The following SMAD3 variants were observed in gnomAD, a reference collection of about 807,000 sequenced individuals.
SMAD3 encodes SMAD family member 3.
In SMAD3, 12 loss-of-function variants were observed where a neutral mutation model predicts 51.8. The ratio of observed to expected loss-of-function variants is 0.23; its 90% CI spans 0.15 to 0.38. The LOEUF (loss-of-function observed/expected upper bound fraction) is 0.38. Ranked by LOEUF, SMAD3 falls within the 10% of genes least tolerant of loss-of-function variation. The pLI, the probability that SMAD3 is intolerant of heterozygous loss-of-function variation, is 1.00. For synonymous variants in SMAD3, 238 were observed against 227.7 expected (o/e 1.05, Z -0.41); for missense variants, 294 against 565.6 (o/e 0.52, Z 4.87).
At chr15:67,085,097 C>T (rs1595890719) in intron 1 of SMAD3, among the ~76,000 whole-genome samples, 1 of 152,286 alleles carries the variant, frequency 6.6e-6, no homozygotes, top group East Asian at 1.9e-4. Flanking sequence ...GCTATATTTG[C>T]CCTCAGTTGT....
chr15:67,160,248 C>T (rs1962390038), intron 1 of SMAD3, among the ~76,000 whole-genome samples: 2 of 152,230 alleles, frequency 1.3e-5, no homozygotes, highest in African/African-American at 4.8e-5. Flanking sequence ...TACCATTTTA[C>T]ATTTGCACCA....
chr15:67,074,954 C>T (rs927239750), intron 1 of SMAD3, among the ~76,000 whole-genome samples: 1 of 152,068 alleles, frequency 6.6e-6, no homozygotes, highest in African/African-American at 2.4e-5. Context: ...AATCTGGTCC[C>T]TTTTGCTGCT....
chr15:67,153,230 G>A (rs191693769), intron 1 of SMAD3, among the ~76,000 whole-genome samples: 10 of 152,296 alleles, frequency 6.6e-5, no homozygotes, highest in Middle Eastern at 3.4e-3. Flanking sequence ...AGTGGCTCAC[G>A]CCTGTAATCC....
At chr15:67,184,701 G>T in intron 6 of SMAD3, 26 bp from the exon 7 acceptor site, 1 of 1,613,710 alleles carries the variant, frequency 6.2e-7, no homozygotes, top group South Asian at 1.1e-5. Context: ...AAGGCACCCT[G>T]TCCAGTCTAA....
intron 5 of SMAD3, among the ~76,000 whole-genome samples, chr15:67,180,424 C>G (rs1426462799): frequency 6.6e-6 from 1 of 151,790 alleles, no homozygotes; most frequent in East Asian, 1.9e-4. Flanking sequence ...AGAGAACCAG[C>G]CCCTTGTAGA....
At chr15:67,141,575 G>A (rs1445185171) in intron 1 of SMAD3, among the ~76,000 whole-genome samples, 5 of 152,146 alleles carry the variant, frequency 3.3e-5, no homozygotes, top group African/African-American at 9.7e-5. Flanking sequence ...GTCCAGCCAG[G>A]GACCCTTGTC....
rs984002362 is a variant in SMAD3 at position 67,192,864 on chromosome 15, G to A, written c.*2328G>A. 6.0e-5 allele frequency: 14 copies of A among 233,298 alleles called. No homozygotes were observed. Among genetic ancestry groups the A allele is most frequent in the Non-Finnish European group, 9.3e-5 (11 of 118,030 alleles). 14.5% of individuals were successfully genotyped at this position (233,298 alleles called of 1,614,324 possible). A position where few individuals can be genotyped will look rare whatever the true frequency, so the allele number is the denominator to read the frequency against. The stretch of plus-strand genomic sequence containing the variant: ...GGTGTCTTAGAACCCTCATTGCTCA[G>A]ACCTGAAGGCTACTTCTAGGAGCAT... On this transcript the variant is annotated 3_prime_UTR_variant, in exon 9 of 9. Transcript: ENST00000327367.
chr15:67,164,373 T>C lies in SMAD3; in HGVS notation c.207-522T>C, dbSNP rs1403343101. 4.6e-5 allele frequency among the ~76,000 whole-genome samples: 7 copies of C among 151,980 alleles called. No homozygotes were observed. In the East Asian group the frequency reaches 1.4e-3, roughly 29 times the overall value. On this transcript the variant is annotated intron_variant, in intron 1 of 8. Coordinates refer to ENST00000327367, the MANE Select transcript of SMAD3 (RefSeq NM_005902.4). ...GGAGGAAAGGCAAGTTTTCTTTTTT[T>C]CCCCTGACTTTCTAATGTGCAAGGG...
intron 4 of SMAD3, among the ~76,000 whole-genome samples, chr15:67,168,113 C>T (rs1409583419): frequency 6.6e-6 from 1 of 152,232 alleles, no homozygotes; most frequent in Non-Finnish European, 1.5e-5. Flanking sequence ...CAGCACCACG[C>T]CCGGCTCATT....
chr15:67,095,474 G>A (rs1566966339), intron 1 of SMAD3, among the ~76,000 whole-genome samples: 1 of 152,112 alleles, frequency 6.6e-6, no homozygotes, highest in Non-Finnish European at 1.5e-5. Flanking sequence ...GGCACGTGAC[G>A]AGTACAGTCA....
At chr15:67,165,172 C>T (rs112482032) in intron 2 of SMAD3, 81 bp from the exon 3 acceptor site, 148 of 1,610,152 alleles carry the variant, frequency 9.2e-5, no homozygotes, top group Non-Finnish European at 1.0e-4. Flanking sequence ...CGAGGGTCTG[C>T]GGTGCACTTG....
At chr15:67,166,669 C>T in intron 3 of SMAD3, 110 bp from the exon 4 acceptor site, 1 of 769,600 alleles carries the variant, frequency 1.3e-6, no homozygotes. Flanking sequence ...GGAGCTCCTA[C>T]AGCCACGGAT....
intron 1 of SMAD3, among the ~76,000 whole-genome samples, chr15:67,121,681 T>C (rs1438218643): frequency 6.6e-6 from 1 of 152,198 alleles, no homozygotes; most frequent in African/African-American, 2.4e-5. Context: ...GAATGGTTTC[T>C]ACAGTATGCC....
intron 5 of SMAD3, among the ~76,000 whole-genome samples, chr15:67,176,117 T>G (rs1354173880): frequency 6.6e-6 from 1 of 152,164 alleles, no homozygotes; most frequent in Non-Finnish European, 1.5e-5. Flanking sequence ...ATACATAGGT[T>G]GGAATTAGTA....
chr15:67,087,872 A>G (rs1960427864), intron 1 of SMAD3, among the ~76,000 whole-genome samples: 1 of 152,028 alleles, frequency 6.6e-6, no homozygotes, highest in Non-Finnish European at 1.5e-5. Flanking sequence ...TTACCTTTTA[A>G]TTTTGTGTTT....
At chr15:67,165,153 C>T in intron 2 of SMAD3, 65 bp downstream of exon 2, 2 of 1,610,792 alleles carry the variant, frequency 1.2e-6, no homozygotes, top group Non-Finnish European at 1.7e-6. Context: ...CCCCGGCTCC[C>T]CATCCCCCCG....
chr15:67,159,363 G>T (rs112197430), intron 1 of SMAD3, among the ~76,000 whole-genome samples: 1 of 152,126 alleles, frequency 6.6e-6, no homozygotes, highest in African/African-American at 2.4e-5. Context: ...GAGCCACCAC[G>T]TCCAGTCAGT....
At chr15:67,138,529 A>G (rs972534393) in intron 1 of SMAD3, 1 of 155,702 alleles carries the variant, frequency 6.4e-6, no homozygotes, top group Non-Finnish European at 1.4e-5. Context: ...CTGTGTAAGT[A>G]AACATCCATC....
chr15:67,075,971 T>A (rs1349222941), intron 1 of SMAD3, among the ~76,000 whole-genome samples: 1 of 152,022 alleles, frequency 6.6e-6, no homozygotes, highest in African/African-American at 2.4e-5. Context: ...TTTGCCAGTA[T>A]CGATCATAAT....
Sources: gnomAD v4.1 joint callset for allele counts (sites outside exome capture counted in the v4.1 genomes callset) on GRCh38, gnomAD v4.1.1 for gene constraint, MANE v1.5 for transcripts, NCBI Gene and HGNC (gene_info 2026-07-23, HGNC 2026-07-21) for gene names.